Variants in LDB3 observed in about 807,000 individuals in gnomAD.
LDB3 encodes the protein LIM domain-binding protein 3.
A neutral mutation model predicts 69.0 loss-of-function variants in LDB3; 49 were observed. The ratio of observed to expected loss-of-function variants is 0.71; its 90% confidence interval spans 0.56 to 0.90. The LOEUF is 0.90. LDB3 is among the 40% of genes least tolerant of loss of function. The pLI is 0.00. For missense variants in LDB3, 928 were observed against 974.1 expected, an observed-to-expected ratio of 0.95 and a Z score of 0.63; for synonymous variants, 387 against 396.2, an observed-to-expected ratio of 0.98 and a Z score of 0.28.
chr10:86,696,317 C>A (rs1454341558), intron 7 of LDB3, among the ~76,000 whole-genome samples: 1 of 147,176 alleles, frequency 6.8e-6, no homozygotes, highest in Non-Finnish European at 1.5e-5. Context: ...AAAAAATTAC[C>A]TCTCTTTTTT....
chr10:86,692,142 A>C, intron 6 of LDB3, 77 bp downstream of exon 6: 1 of 1,538,406 alleles, frequency 6.5e-7, no homozygotes, highest in Non-Finnish European at 8.9e-7. Context: ...CCAGCACTGC[A>C]GAAGCCAGGG....
At chr10:86,707,870 G>A (rs1846502999) in intron 8 of LDB3, among the ~76,000 whole-genome samples, 1 of 152,216 alleles carries the variant, frequency 6.6e-6, no homozygotes, top group African/African-American at 2.4e-5. Flanking sequence ...GTTTCCTGGG[G>A]GGATTTAGGA....
chr10:86,683,198 G>A (rs1000797236), intron 5 of LDB3, among the ~76,000 whole-genome samples: 1 of 152,158 alleles, frequency 6.6e-6, no homozygotes, highest in African/African-American at 2.4e-5. Flanking sequence ...GGACTCCCAG[G>A]AGACCCACCT....
At chr10:86,732,340 AT>A (rs1393604286) in intron 13 of LDB3, 35 of 361,588 alleles carry the variant, frequency 9.7e-5, no homozygotes, top group South Asian at 7.0e-4. Flanking sequence ...TATTTTCTCT[AT>A]TCCATTAAAT....
intron 2 of LDB3, among the ~76,000 whole-genome samples, chr10:86,669,036 TCAGGCAGG>T (rs71016147): frequency 2.7e-5 from 4 of 150,918 alleles, no homozygotes; most frequent in East Asian, 2.0e-4. Flanking sequence ...TGCTGAGTTT[TCAGGCAGG>T]CAGGCAGGCA....
At chr10:86,673,322 G>A (rs1844589300) in intron 2 of LDB3, among the ~76,000 whole-genome samples, 1 of 152,222 alleles carries the variant, frequency 6.6e-6, no homozygotes, top group African/African-American at 2.4e-5. Context: ...GGACACAGAA[G>A]GTCATTGATA....
intron 9 of LDB3, chr10:86,710,304 TCCGGA>T: frequency 2.1e-6 from 2 of 973,166 alleles, no homozygotes; most frequent in Non-Finnish European, 2.4e-6. Context: ...AGAAGTCTTC[TCCGGA>T]CCGGGCATGG....
At chr10:86,674,928 C>G (rs1015596614) in intron 2 of LDB3, among the ~76,000 whole-genome samples, 10 of 152,112 alleles carry the variant, frequency 6.6e-5, no homozygotes, top group African/African-American at 1.9e-4. Context: ...GGCTCCTGAT[C>G]ATCCATAGGG....
chr10:86,696,326 T>TC (rs1380991892), intron 7 of LDB3, among the ~76,000 whole-genome samples: 1 of 151,946 alleles, frequency 6.6e-6, no homozygotes, highest in Admixed American at 6.5e-5. Flanking sequence ...CCTCTCTTTT[T>TC]TGGATTTTGA....
At chr10:86,718,952 A>G in intron 12 of LDB3, 105 bp downstream of exon 12, 1 of 1,426,422 alleles carries the variant, frequency 7.0e-7, no homozygotes. Flanking sequence ...GACCACCCAG[A>G]GGCCTTTATT....
chr10:86,728,035 C>T (rs1050455460), intron 13 of LDB3, among the ~76,000 whole-genome samples: 4 of 152,020 alleles, frequency 2.6e-5, no homozygotes, highest in African/African-American at 9.7e-5. Context: ...AAATACATCC[C>T]CTCCAAAAAG....
At chr10:86,694,539 G>A (rs578210268) in intron 7 of LDB3, among the ~76,000 whole-genome samples, 3 of 152,296 alleles carry the variant, frequency 2.0e-5, no homozygotes, top group Admixed American at 2.0e-4. Context: ...GCCCTGCAGT[G>A]GAGGCTCTGA....
At chr10:86,713,802 G>A (rs1428598884) in intron 9 of LDB3, among the ~76,000 whole-genome samples, 2 of 152,180 alleles carry the variant, frequency 1.3e-5, no homozygotes, top group African/African-American at 4.8e-5. Context: ...CATTCACTAT[G>A]TCACCCCAGC....
chr10:86,716,894 C>A, intron 10 of LDB3, 123 bp downstream of exon 10: 1 of 1,083,490 alleles, frequency 9.2e-7, no homozygotes, highest in Non-Finnish European at 1.4e-6. Flanking sequence ...GAGAAAGCCT[C>A]GGGTCCTTCT....
intron 2 of LDB3, among the ~76,000 whole-genome samples, chr10:86,671,006 G>A (rs1041651217): frequency 9.8e-5 from 15 of 152,338 alleles, no homozygotes; most frequent in Admixed American, 9.8e-4. Flanking sequence ...TCTGCACCAG[G>A]GACATCCCCC....
chr10:86,716,086 A>G (rs552383149), intron 9 of LDB3, among the ~76,000 whole-genome samples: 11 of 150,212 alleles, frequency 7.3e-5, no homozygotes, highest in African/African-American at 2.7e-4. Context: ...ATTTATAGCC[A>G]TGTCCCTTTT....
In LDB3 at chr10:86,709,949, C is replaced by T. The variant is rs551853708; in HGVS notation, c.1130C>T (p.Ala377Val). 5.0e-6 allele frequency: 8 copies of T among 1,612,836 alleles called. No individual in the cohort carries two copies. The South Asian group carries it at 8.8e-5, about 18-fold the overall frequency. Residue 377 changes from alanine (A) to valine (V), a missense_variant, in exon 9 of 14, where the codon GCA (alanine) becomes GTA (valine). Transcript: ENST00000361373. ...AGCCCCGCAGTGGCCGCCTCTTCAG[C>T]ACCTGCCACCCACACCAGCTACAGT... The part of the protein sequence containing the change: ...SYSPAVAASS[A>V]PATHTSYSEG...
chr10:86,679,309 G>A, intron 2 of LDB3, 58 bp from the exon 3 acceptor site: 1 of 1,604,816 alleles, frequency 6.2e-7, no homozygotes, highest in East Asian at 2.2e-5. Context: ...CCCAAGGACT[G>A]GCCTTTCCTC....
chr10:86,710,262 G>A, intron 9 of LDB3: 4 of 985,310 alleles, frequency 4.1e-6, no homozygotes, highest in Non-Finnish European at 4.8e-6. Context: ...AGAAAGCGGT[G>A]GATGATTCTA....
Sources: allele counts gnomAD v4.1 joint callset (sites outside exome capture counted in the v4.1 genomes callset), GRCh38; gene constraint gnomAD v4.1.1; transcripts MANE v1.5; gene names NCBI Gene and HGNC (gene_info 2026-07-23, HGNC 2026-07-21).